CNTN3: variants seen among roughly 807,000 people sequenced by gnomAD.
The protein encoded by CNTN3 is contactin-3.
A neutral mutation model predicts 119.1 loss-of-function variants in CNTN3; 60 were observed. The ratio of observed to expected loss-of-function variants is 0.50; its 90% CI spans 0.41 to 0.62. The LOEUF (loss-of-function observed/expected upper bound fraction) is 0.62. Ranked by LOEUF, CNTN3 falls within the 20% of genes least tolerant of loss-of-function variation. The pLI is 0.00. For missense variants in CNTN3, 1,101 were observed against 1,242.4 expected, an observed-to-expected ratio of 0.89 and a Z score of 1.71; for synonymous variants, 450 against 438.7, an observed-to-expected ratio of 1.03 and a Z score of -0.32.
chr3:74,352,850 C>T (rs779714896), intron 11 of CNTN3, among the ~76,000 whole-genome samples: 20 of 152,116 alleles, frequency 1.3e-4, no homozygotes, highest in African/African-American at 3.9e-4. Flanking sequence ...ATCTCAGCTA[C>T]GTATCTGAGG....
At chr3:74,586,072 C>A (rs1312836416) in intron 1 of CNTN3, among the ~76,000 whole-genome samples, 1 of 152,098 alleles carries the variant, frequency 6.6e-6, no homozygotes, top group African/African-American at 2.4e-5. Context: ...GAAGTTGTGA[C>A]AAGCTGCTAG....
At chr3:74,413,993 T>C (rs1201232680) in intron 5 of CNTN3, among the ~76,000 whole-genome samples, 1 of 152,092 alleles carries the variant, frequency 6.6e-6, no homozygotes, top group Non-Finnish European at 1.5e-5. Flanking sequence ...TGCCAAGCAG[T>C]GCCTGTGAGG....
At chr3:74,499,182 G>GTTT (rs1203728638) in intron 3 of CNTN3, among the ~76,000 whole-genome samples, 1 of 151,610 alleles carries the variant, frequency 6.6e-6, no homozygotes, top group Admixed American at 6.6e-5. Flanking sequence ...AATGAAATAC[G>GTTT]TTTTCTCTTC....
In CNTN3 at chr3:74,449,094, G is replaced by A. The variant is rs372335772; in HGVS notation, c.359-24154C>T. Among the ~76,000 whole-genome samples, 3 of 151,848 alleles carry A rather than the reference G, an allele frequency of 2.0e-5. No individual in the cohort carries two copies. In the South Asian group the frequency reaches 6.2e-4, roughly 32 times the overall value. On this transcript the variant is annotated intron_variant, in intron 4 of 22. Transcript: ENST00000263665. ...TCCTATTTTATATTAATTTCCTTCT[G>A]TAAGCCAACTCAGGTCTTTACAGAA...
At chr3:74,486,713 C>A in intron 3 of CNTN3, 82 bp from the exon 4 acceptor site, 1 of 1,163,600 alleles carries the variant, frequency 8.6e-7, no homozygotes. Flanking sequence ...CTACTTTAAA[C>A]ATTATCCCTC....
intron 4 of CNTN3, among the ~76,000 whole-genome samples, chr3:74,460,515 G>A (rs1278377324): frequency 6.6e-6 from 1 of 151,644 alleles, no homozygotes; most frequent in East Asian, 1.9e-4. Flanking sequence ...TTGGTTAAGT[G>A]TATACCTATG....
At chr3:74,386,869 A>C (rs1704760019) in intron 5 of CNTN3, among the ~76,000 whole-genome samples, 1 of 152,218 alleles carries the variant, frequency 6.6e-6, no homozygotes, top group Non-Finnish European at 1.5e-5. Context: ...TTGTCCTCAG[A>C]GGGTATCCTG....
At chr3:74,563,840 T>C (rs1420239199) in intron 1 of CNTN3, among the ~76,000 whole-genome samples, 1 of 152,146 alleles carries the variant, frequency 6.6e-6, no homozygotes, top group Non-Finnish European at 1.5e-5. Flanking sequence ...CCCGTTCTCA[T>C]TGTGTGTTTT....
chr3:74,565,310 C>T (rs1246913001), intron 1 of CNTN3, among the ~76,000 whole-genome samples: 1 of 152,144 alleles, frequency 6.6e-6, no homozygotes, highest in Non-Finnish European at 1.5e-5. Flanking sequence ...TAGAGGCTGA[C>T]CACAGTCCTT....
intron 1 of CNTN3, among the ~76,000 whole-genome samples, chr3:74,608,921 T>C (rs1192972393): frequency 4.6e-5 from 7 of 152,168 alleles, no homozygotes. Flanking sequence ...AGGTCAAACC[T>C]AGTCTAGGGG....
intron 5 of CNTN3, among the ~76,000 whole-genome samples, chr3:74,379,617 T>C (rs2106807257): frequency 6.6e-6 from 1 of 152,270 alleles, no homozygotes; most frequent in East Asian, 1.9e-4. Context: ...CCTTTCTTTT[T>C]CTCATGAGGA....
Position 74,587,967 on chromosome 3 carries a change from C to A in CNTN3, c.-81+26424G>T, listed in dbSNP as rs183740791. 6.8e-3 allele frequency among the ~76,000 whole-genome samples: 1,041 copies of A among 152,132 alleles called. 12 individuals are homozygous for A. Among genetic ancestry groups the A allele is most frequent in the African/African-American group, 0.024 (978 of 41,508 alleles). ...AGCTCTTATTATTTTGAGATACGTC[C>A]CATCAATACCTAATTTATTGAGAGT... On this transcript the variant is annotated intron_variant, in intron 1 of 22. Transcript: ENST00000263665.
intron 4 of CNTN3, among the ~76,000 whole-genome samples, chr3:74,439,559 C>G (rs1168665436): frequency 6.6e-6 from 1 of 152,138 alleles, no homozygotes; most frequent in Non-Finnish European, 1.5e-5. Context: ...ATGGGCAATA[C>G]TGATATTGTT....
chr3:74,561,825 T>C (rs1014924560), intron 1 of CNTN3, among the ~76,000 whole-genome samples: 7 of 152,196 alleles, frequency 4.6e-5, no homozygotes, highest in Non-Finnish European at 1.0e-4. Context: ...ATAGGTACTT[T>C]GCAATGAATG....
intron 1 of CNTN3, among the ~76,000 whole-genome samples, chr3:74,530,648 T>C (rs1037983324): frequency 2.0e-5 from 3 of 151,860 alleles, no homozygotes; most frequent in Non-Finnish European, 4.4e-5. Flanking sequence ...ACAGAATACA[T>C]GACGTTTCCT....
intron 4 of CNTN3, among the ~76,000 whole-genome samples, chr3:74,484,377 A>G (rs558182468): frequency 7.2e-5 from 11 of 152,284 alleles, no homozygotes; most frequent in African/African-American, 2.2e-4. Flanking sequence ...ATACAAAAAT[A>G]TGAATCAGGA....
intron 19 of CNTN3, among the ~76,000 whole-genome samples, chr3:74,285,830 TATATATATAA>T (rs1702105260): frequency 2.6e-5 from 3 of 113,792 alleles, no homozygotes; most frequent in African/African-American, 1.2e-4. Context: ...TATATATATA[TATATATATAA>T]AATTAAAAAT....
intron 13 of CNTN3, among the ~76,000 whole-genome samples, chr3:74,331,359 C>T (rs1703260512): frequency 2.0e-5 from 3 of 152,124 alleles, no homozygotes; most frequent in Admixed American, 6.6e-5. Context: ...TAGGCTATAC[C>T]ACACAGCCTG....
At chr3:74,278,760 A>C (rs1028369704) in intron 20 of CNTN3, among the ~76,000 whole-genome samples, 3 of 152,118 alleles carry the variant, frequency 2.0e-5, no homozygotes, top group African/African-American at 7.2e-5. Context: ...AAACAGCTGG[A>C]ACTTAATTAA....
Sources: gnomAD v4.1 joint callset for allele counts (sites outside exome capture counted in the v4.1 genomes callset) on GRCh38, gnomAD v4.1.1 for gene constraint, MANE v1.5 for transcripts, NCBI Gene and HGNC (gene_info 2026-07-23, HGNC 2026-07-21) for gene names.